SLC27A6: variants seen among roughly 807,000 people sequenced by gnomAD.
SLC27A6 encodes solute carrier family 27 member 6.
In SLC27A6, 74 loss-of-function variants were observed where a neutral mutation model predicts 63.9. The observed-to-expected ratio is 1.16, with a 90% CI of 0.96 to 1.40. SLC27A6 has a LOEUF of 1.40. Among genes scored for constraint, SLC27A6 ranks in the 40% most tolerant of loss-of-function variants. The probability of loss-of-function intolerance (pLI) is 0.00; values close to 1 mark genes in which losing one functional copy is unlikely to be tolerated. For synonymous variants in SLC27A6, 287 were observed against 260.8 expected (o/e 1.10, Z -0.97); for missense variants, 794 against 732.9 (o/e 1.08, Z -0.96).
intron 2 of SLC27A6, among the ~76,000 whole-genome samples, chr5:128,987,862 G>T (rs1750844287): frequency 6.6e-6 from 1 of 151,962 alleles, no homozygotes; most frequent in African/African-American, 2.4e-5. Flanking sequence ...GAAGAATGGG[G>T]TGTGAAAATT....
chr5:128,984,869 C>A (rs1324888226), intron 1 of SLC27A6, among the ~76,000 whole-genome samples: 1 of 151,996 alleles, frequency 6.6e-6, no homozygotes, highest in Non-Finnish European at 1.5e-5. Flanking sequence ...GGAGGGAAAC[C>A]CATAATTTGA....
rs906069432 is a variant in SLC27A6 at position 128,985,153 on chromosome 5, G to T, written c.502G>T (p.Glu168Ter). ...TTTAGATTTGCTTGGAACGGTAGAA[G>T]AAATCCTTCCAAGCCTCTCAGAAAA... ...VGADLLGTVE[E>*]ILPSLSENIS... The change falls in exon 2 of 10, where the codon GAA (glutamate) becomes TAA (stop). Residue 168 changes from glutamate to a stop codon, truncating the protein, a stop_gained. Transcript: ENST00000262462. LOFTEE classifies it high-confidence loss of function. The T allele has an allele frequency of 1.2e-6, 2 of 1,613,604 alleles. No homozygotes were observed. The highest frequency in any genetic ancestry group is 1.7e-6 in the Non-Finnish European group (2 of 1,179,802).
chr5:128,974,355 T>G (rs1356623435), intron 1 of SLC27A6, among the ~76,000 whole-genome samples: 1 of 152,258 alleles, frequency 6.6e-6, no homozygotes, highest in Non-Finnish European at 1.5e-5. Flanking sequence ...TTTAGTTGAT[T>G]GGCTCGGTAA....
rs373212483 is a variant in SLC27A6 at position 129,015,208 on chromosome 5, A to G, written c.970-677A>G. On this transcript the variant is annotated intron_variant, in intron 4 of 9. Transcript: ENST00000262462. ...TGTAAAAGTTCATGTTAGTTAAAAC[A>G]TTACTTACTAGATATAGAACAAAAT... Among the ~76,000 whole-genome samples the G allele has an allele frequency of 7.9e-4, 120 of 152,292 alleles. 3 individuals carry two copies. In the South Asian group the frequency reaches 0.024, roughly 31 times the overall value.
rs541646984 is a variant in SLC27A6 at position 128,973,185 on chromosome 5, C to T, written c.481+6567C>T. 3.9e-5 allele frequency among the ~76,000 whole-genome samples: 6 copies of T among 152,254 alleles called. No homozygotes were observed. In the South Asian group the frequency reaches 6.2e-4, roughly 16 times the overall value. On this transcript the variant is annotated intron_variant, in intron 1 of 9. Transcript: ENST00000262462. ...CCTGCTTGTATGCAGTGTCAGTTGG[C>T]CCCTACTGGGAGATGTCTCCCAGTT... is the stretch of plus-strand genomic sequence containing the variant.
At chr5:129,001,073 G>T (rs1486190731) in intron 4 of SLC27A6, among the ~76,000 whole-genome samples, 1 of 152,100 alleles carries the variant, frequency 6.6e-6, no homozygotes, top group Non-Finnish European at 1.5e-5. Flanking sequence ...TAAACTGATG[G>T]CTGTCATCTC....
At chr5:128,973,690 T>G (rs1750273647) in intron 1 of SLC27A6, among the ~76,000 whole-genome samples, 1 of 152,206 alleles carries the variant, frequency 6.6e-6, no homozygotes, top group Non-Finnish European at 1.5e-5. Flanking sequence ...CAGCTTCCCT[T>G]GGCTGGGAAA....
At chr5:129,013,472 G>T (rs1751791779) in intron 4 of SLC27A6, among the ~76,000 whole-genome samples, 1 of 152,052 alleles carries the variant, frequency 6.6e-6, no homozygotes, top group Non-Finnish European at 1.5e-5. Context: ...ATATTATATT[G>T]TCTTCCAGGC....
intron 2 of SLC27A6, among the ~76,000 whole-genome samples, chr5:128,986,000 A>G (rs969878988): frequency 2.0e-5 from 3 of 152,266 alleles, no homozygotes; most frequent in African/African-American, 7.2e-5. Context: ...CAATAACAAT[A>G]ATAAAACTGC....
chr5:128,967,775 ATTATAC>A (rs918539106), intron 1 of SLC27A6, among the ~76,000 whole-genome samples: 2 of 152,080 alleles, frequency 1.3e-5, no homozygotes, highest in African/African-American at 2.4e-5. Flanking sequence ...ATTTTTTATT[ATTATAC>A]TTTAAGTTCT....
chr5:128,978,530 T>C (rs567639110), intron 1 of SLC27A6, among the ~76,000 whole-genome samples: 226 of 152,300 alleles, frequency 1.5e-3, no homozygotes, highest in Middle Eastern at 6.8e-3. Context: ...ATCTTTTCCT[T>C]TGGCTTATTC....
At chr5:128,990,612 C>A in intron 4 of SLC27A6, 148 bp downstream of exon 4, 1 of 838,382 alleles carries the variant, frequency 1.2e-6, no homozygotes, top group Admixed American at 2.7e-5. Flanking sequence ...CAGGTGCTAC[C>A]TAGATGGTGG....
chr5:128,977,477 G>A (rs1750429659), intron 1 of SLC27A6, among the ~76,000 whole-genome samples: 1 of 152,028 alleles, frequency 6.6e-6, no homozygotes, highest in Non-Finnish European at 1.5e-5. Flanking sequence ...AGGGGTGGGG[G>A]AACAAGGGAG....
At chr5:129,021,255 C>G (rs780625702) in intron 5 of SLC27A6, among the ~76,000 whole-genome samples, 31 of 151,432 alleles carry the variant, frequency 2.0e-4, no homozygotes, top group African/African-American at 7.3e-4. Context: ...GAGATCACCT[C>G]CCAGAAGCCA....
intron 2 of SLC27A6, among the ~76,000 whole-genome samples, chr5:128,988,227 A>T (rs1055766793): frequency 2.0e-5 from 3 of 152,208 alleles, no homozygotes; most frequent in African/African-American, 7.2e-5. Flanking sequence ...AGACATTTTC[A>T]GGCACATAAG....
At chr5:129,008,578 G>C (rs1156667968) in intron 4 of SLC27A6, among the ~76,000 whole-genome samples, 2 of 152,226 alleles carry the variant, frequency 1.3e-5, no homozygotes, top group Non-Finnish European at 2.9e-5. Flanking sequence ...GATTTGCAAT[G>C]CTGCTGTTTG....
chr5:128,977,176 C>T (rs936516601), intron 1 of SLC27A6, among the ~76,000 whole-genome samples: 13 of 152,154 alleles, frequency 8.5e-5, no homozygotes, highest in African/African-American at 3.1e-4. Flanking sequence ...TTTTATTATG[C>T]CATTCATTCA....
chr5:128,994,974 T>A (rs1206608805), intron 4 of SLC27A6, among the ~76,000 whole-genome samples: 1 of 152,166 alleles, frequency 6.6e-6, no homozygotes, highest in Non-Finnish European at 1.5e-5. Context: ...AGCATTGTTT[T>A]CAGAAAAAGA....
chr5:129,028,948 T>C (rs1752333896), intron 8 of SLC27A6, among the ~76,000 whole-genome samples: 1 of 151,990 alleles, frequency 6.6e-6, no homozygotes. Flanking sequence ...TTTGAAGTCA[T>C]AAGACAGCCA....
Sources: allele counts gnomAD v4.1 joint callset (sites outside exome capture counted in the v4.1 genomes callset), GRCh38; gene constraint gnomAD v4.1.1; transcripts MANE v1.5; gene names NCBI Gene and HGNC (gene_info 2026-07-23, HGNC 2026-07-21).